Variants in TECRL observed in about 807,000 individuals in gnomAD.
TECRL encodes trans-2,3-enoyl-CoA reductase-like.
Under a neutral mutation model 52.8 loss-of-function variants are expected in TECRL, and 63 were observed. The observed-to-expected ratio is 1.19, with a 90% CI of 0.97 to 1.47. TECRL has a LOEUF of 1.47. TECRL is among the 40% of genes most tolerant of loss of function. The probability of loss-of-function intolerance (pLI) is 0.00; values close to 1 mark genes in which losing one functional copy is unlikely to be tolerated. For missense variants in TECRL, 482 were observed against 429.6 expected, an observed-to-expected ratio of 1.12 and a Z score of -1.08; for synonymous variants, 164 against 141.9, an observed-to-expected ratio of 1.16 and a Z score of -1.10.
intron 5 of TECRL, 87 bp from the exon 6 acceptor site, chr4:64,310,018 T>C: frequency 1.4e-6 from 1 of 731,312 alleles, no homozygotes; most frequent in Non-Finnish European, 2.3e-6. Context: ...TTTTTTAGTT[T>C]AATATGCTAG....
intron 9 of TECRL, among the ~76,000 whole-genome samples, chr4:64,287,992 C>T (rs957897804): frequency 1.3e-5 from 2 of 151,718 alleles, no homozygotes; most frequent in Non-Finnish European, 2.9e-5. Context: ...ACTAAAAATA[C>T]AAAATTAGCT....
chr4:64,291,814 A>T (rs991686248), intron 8 of TECRL, among the ~76,000 whole-genome samples: 5 of 151,970 alleles, frequency 3.3e-5, no homozygotes, highest in African/African-American at 1.2e-4. Context: ...AACAAAAAAT[A>T]TGAGAGAGAA....
intron 1 of TECRL, among the ~76,000 whole-genome samples, chr4:64,378,983 C>A (rs1213366063): frequency 1.3e-5 from 2 of 151,144 alleles, no homozygotes; most frequent in South Asian, 2.1e-4. Flanking sequence ...ACACACATAT[C>A]CTGTTTTTGT....
intron 2 of TECRL, among the ~76,000 whole-genome samples, chr4:64,343,278 A>G (rs1052362472): frequency 2.0e-5 from 3 of 152,120 alleles, no homozygotes; most frequent in Admixed American, 6.5e-5. Flanking sequence ...TTTATGTTGT[A>G]TAGTTTGTGC....
Position 64,321,178 on chromosome 4 carries a change from G to A in TECRL, c.435+1511C>T, listed in dbSNP as rs186367220. 7.5e-3 allele frequency among the ~76,000 whole-genome samples: 1,129 copies of A among 151,222 alleles called. 19 individuals are homozygous for A. Among genetic ancestry groups the A allele is most frequent in the Non-Finnish European group, 6.6e-3 (450 of 67,734 alleles). On this transcript the variant is annotated intron_variant, in intron 4 of 11. Transcript: ENST00000381210. The stretch of plus-strand genomic sequence containing the variant: ...TAAAATAGAACTCATTAATTACATG[G>A]GAAATATATCTTAAAAAGAAAGACT...
At chr4:64,369,998 A>C (rs114987984) in intron 2 of TECRL, among the ~76,000 whole-genome samples, 1 of 151,806 alleles carries the variant, frequency 6.6e-6, no homozygotes, top group Non-Finnish European at 1.5e-5. Context: ...AAATTTTCTT[A>C]GCCCAAAGGC....
chr4:64,356,893 T>C (rs1395048850), intron 2 of TECRL, among the ~76,000 whole-genome samples: 3 of 152,130 alleles, frequency 2.0e-5, no homozygotes, highest in Non-Finnish European at 4.4e-5. Flanking sequence ...TTAAAGAAAG[T>C]TGGATGGAGG....
chr4:64,336,823 TGA>T lies in TECRL; in HGVS notation c.287-8269_287-8268del, dbSNP rs981097408. 1.5e-3 allele frequency among the ~76,000 whole-genome samples: 223 copies of T among 152,246 alleles called. 2 individuals are homozygous for T. Among genetic ancestry groups the T allele is most frequent in the East Asian group, 9.7e-4 (5 of 5,172 alleles). Reference sequence around the variant, plus strand: ...TTCCATATAGTTGAGCAGTTTTGAGTGAGTTTCTTAATCCTGAGTTCTAGTTT... The same window carrying T: ...TTCCATATAGTTGAGCAGTTTTGAGTGTTTCTTAATCCTGAGTTCTAGTTT... On this transcript the variant is annotated intron_variant, in intron 2 of 11. Coordinates refer to ENST00000381210, the MANE Select transcript of TECRL (RefSeq NM_001010874.5).
chr4:64,362,388 A>T (rs1184120202), intron 2 of TECRL, among the ~76,000 whole-genome samples: 2 of 152,012 alleles, frequency 1.3e-5, no homozygotes, highest in Non-Finnish European at 2.9e-5. Context: ...CATCCCCAAG[A>T]CTTACAGTCA....
intron 3 of TECRL, among the ~76,000 whole-genome samples, chr4:64,325,874 T>A (rs1268513499): frequency 6.6e-6 from 1 of 152,084 alleles, no homozygotes; most frequent in Non-Finnish European, 1.5e-5. Context: ...AATGACTTGA[T>A]AAAATCTAGA....
intron 1 of TECRL, among the ~76,000 whole-genome samples, chr4:64,401,542 T>G (rs948744428): frequency 6.6e-6 from 1 of 152,214 alleles, no homozygotes; most frequent in Non-Finnish European, 1.5e-5. Context: ...GACTTCTCAG[T>G]ATAATTTGTG....
At chr4:64,398,057 C>A (rs1724084127) in intron 1 of TECRL, among the ~76,000 whole-genome samples, 1 of 144,362 alleles carries the variant, frequency 6.9e-6, no homozygotes, top group African/African-American at 2.5e-5. Flanking sequence ...AATTTTATTA[C>A]AATGTGTATA....
intron 1 of TECRL, among the ~76,000 whole-genome samples, chr4:64,398,580 C>G (rs1481837567): frequency 6.6e-6 from 1 of 152,132 alleles, no homozygotes; most frequent in Non-Finnish European, 1.5e-5. Context: ...AGGTGCCATG[C>G]CACTATACTT....
At chr4:64,332,741 T>C (rs1014152341) in intron 2 of TECRL, among the ~76,000 whole-genome samples, 15 of 152,076 alleles carry the variant, frequency 9.9e-5, no homozygotes, top group Non-Finnish European at 1.9e-4. Context: ...TATCATTTAA[T>C]GGTAGAGAGA....
At chr4:64,361,291 T>C (rs890051643) in intron 2 of TECRL, among the ~76,000 whole-genome samples, 3 of 152,154 alleles carry the variant, frequency 2.0e-5, no homozygotes, top group African/African-American at 7.2e-5. Flanking sequence ...CTTTAGTGAC[T>C]TATACGCATA....
At chr4:64,374,079 A>ATATATATATATATATATATATATATATT (rs1343885987) in intron 2 of TECRL, among the ~76,000 whole-genome samples, 77 of 96,674 alleles carry the variant, frequency 8.0e-4, no homozygotes, top group East Asian at 2.1e-3. Flanking sequence ...ATATATATAT[A>ATATATATATATATATATATATATATATT]TATTTATCTT....
intron 4 of TECRL, among the ~76,000 whole-genome samples, chr4:64,318,056 A>T (rs1207187309): frequency 2.6e-5 from 4 of 152,166 alleles, no homozygotes; most frequent in Non-Finnish European, 1.5e-5. Flanking sequence ...TGGATCCAAT[A>T]ATACAGTTCA....
rs1717140046 is a variant in TECRL, at chr4:64,312,849, T to A, written c.551+1799A>T. Among the ~76,000 whole-genome samples, 4 of 152,116 alleles carry A rather than the reference T, an allele frequency of 2.6e-5. No individual in the cohort carries two copies. In the South Asian group the frequency reaches 8.3e-4, roughly 31 times the overall value. On this transcript the variant is annotated intron_variant, in intron 5 of 11. Coordinates refer to ENST00000381210, the MANE Select transcript of TECRL (RefSeq NM_001010874.5). ...CTTTTTTCATGCTCTGCTACGTATC[T>A]GGTATATGTTACATATTTAGCCTAA...
intron 2 of TECRL, among the ~76,000 whole-genome samples, chr4:64,361,754 C>T (rs1560529452): frequency 1.3e-5 from 2 of 152,132 alleles, no homozygotes; most frequent in Non-Finnish European, 2.9e-5. Flanking sequence ...TATCAGCCCA[C>T]ACAGATGAGA....
Sources: allele counts gnomAD v4.1 joint callset (sites outside exome capture counted in the v4.1 genomes callset), GRCh38; gene constraint gnomAD v4.1.1; transcripts MANE v1.5; gene names NCBI Gene and HGNC (gene_info 2026-07-23, HGNC 2026-07-21).